The following BACH2 variants were observed in gnomAD, a reference collection of about 807,000 sequenced individuals.
BACH2 encodes transcription regulator protein BACH2.
BACH2 carries 5 observed loss-of-function variants against 61.8 expected under a neutral mutation model. The ratio of observed to expected loss-of-function variants is 0.08; its 90% CI spans 0.04 to 0.17. The LOEUF is 0.17. BACH2 is among the 10% of genes least tolerant of loss of function. BACH2 has a pLI of 1.00. For synonymous variants in BACH2, 446 were observed against 440.1 expected, an observed-to-expected ratio of 1.01 and a Z score of -0.17; for missense variants, 824 against 1,091.1, an observed-to-expected ratio of 0.76 and a Z score of 3.45.
chr6:90,032,313 A>G (rs1430634931), intron 5 of BACH2, among the ~76,000 whole-genome samples: 3 of 146,670 alleles, frequency 2.0e-5, no homozygotes, highest in East Asian at 4.1e-4. Flanking sequence ...CTTCATGTCT[A>G]AAACACCAAA....
rs368472335 is a variant in BACH2, at chr6:90,154,018, C to A, written c.-162+52551G>T. On this transcript the variant is annotated intron_variant, in intron 4 of 8. Transcript: ENST00000257749. ...GTCATTGGAGCCTAAAACATCCACACCCTAAAAAGAACATATCATTCCAAT... is the reference window on the plus strand; with the variant it reads ...GTCATTGGAGCCTAAAACATCCACAACCTAAAAAGAACATATCATTCCAAT... 2.4e-4 allele frequency among the ~76,000 whole-genome samples: 36 copies of A among 152,238 alleles called. No homozygotes were observed. The East Asian group carries it at 6.8e-3, about 29-fold the overall frequency.
intron 1 of BACH2, among the ~76,000 whole-genome samples, 161 bp downstream of exon 1, chr6:90,296,319 G>A (rs1442442282): frequency 1.3e-5 from 2 of 151,464 alleles, no homozygotes; most frequent in East Asian, 3.9e-4. Context: ...ATAAAAGCGG[G>A]CAGGGCGCGG....
At chr6:90,015,882 T>C (rs907964256) in intron 5 of BACH2, among the ~76,000 whole-genome samples, 4 of 152,220 alleles carry the variant, frequency 2.6e-5, no homozygotes, top group African/African-American at 9.6e-5. Context: ...CCGGCTACAA[T>C]TGTAGGCTTG....
At chr6:89,936,411 C>T (rs189854812) in intron 8 of BACH2, among the ~76,000 whole-genome samples, 137 of 152,184 alleles carry the variant, frequency 9.0e-4, no homozygotes, top group African/African-American at 3.1e-3. Context: ...CAAAGTACTG[C>T]GATTACAGGT....
At chr6:90,135,886 G>A (rs1457057742) in intron 4 of BACH2, among the ~76,000 whole-genome samples, 7 of 152,118 alleles carry the variant, frequency 4.6e-5, no homozygotes, top group Admixed American at 1.3e-4. Flanking sequence ...CTCTATCATC[G>A]TCTCTGACCC....
chr6:89,954,298 C>CTT (rs56660189), intron 6 of BACH2, among the ~76,000 whole-genome samples: 3 of 143,358 alleles, frequency 2.1e-5, no homozygotes, highest in African/African-American at 5.1e-5. Context: ...CACAGTTTTT[C>CTT]TTTTTTTTTT....
chr6:90,015,588 T>C (rs1369087511), intron 5 of BACH2, among the ~76,000 whole-genome samples: 1 of 152,230 alleles, frequency 6.6e-6, no homozygotes, highest in Non-Finnish European at 1.5e-5. Context: ...TAGTTATCTT[T>C]TTGTTAATCC....
At chr6:90,030,315 G>A (rs962741015) in intron 5 of BACH2, among the ~76,000 whole-genome samples, 5 of 152,114 alleles carry the variant, frequency 3.3e-5, no homozygotes, top group Admixed American at 6.5e-5. Flanking sequence ...CACAGCCCAG[G>A]CCTCTGCTGC....
At chr6:90,268,746 G>C (rs1562534907) in intron 2 of BACH2, among the ~76,000 whole-genome samples, 1 of 152,006 alleles carries the variant, frequency 6.6e-6, no homozygotes, top group South Asian at 2.1e-4. Context: ...TAAACAATGA[G>C]AGTCAATGTT....
intron 5 of BACH2, among the ~76,000 whole-genome samples, chr6:90,010,460 T>C (rs1404909943): frequency 1.3e-5 from 2 of 152,252 alleles, no homozygotes; most frequent in Non-Finnish European, 2.9e-5. Flanking sequence ...AGCATCCTAT[T>C]GTATAAATAT....
chr6:90,100,365 TGTG>T (rs1478063802), intron 4 of BACH2, among the ~76,000 whole-genome samples: 3 of 152,186 alleles, frequency 2.0e-5, no homozygotes, highest in Admixed American at 6.5e-5. Context: ...TACCAAGACT[TGTG>T]GTCAAACATG....
At chr6:90,139,697 G>A (rs939850253) in intron 4 of BACH2, among the ~76,000 whole-genome samples, 2 of 152,148 alleles carry the variant, frequency 1.3e-5, no homozygotes, top group Non-Finnish European at 2.9e-5. Context: ...AACAGTGTTC[G>A]GATGTGTCCT....
intron 3 of BACH2, 81 bp downstream of exon 3, chr6:90,252,432 T>C (rs1302222289): frequency 3.3e-5 from 5 of 152,216 alleles, no homozygotes; most frequent in Non-Finnish European, 5.9e-5. Context: ...TTAGATCTTC[T>C]AAAGTATATG....
chr6:90,066,800 A>G (rs967113823), intron 5 of BACH2, among the ~76,000 whole-genome samples: 2 of 152,254 alleles, frequency 1.3e-5, no homozygotes, highest in Admixed American at 1.3e-4. Context: ...GCACAAGACA[A>G]CCAGGAATTG....
intron 6 of BACH2, among the ~76,000 whole-genome samples, chr6:89,984,748 G>C (rs1776145935): frequency 6.6e-6 from 1 of 152,160 alleles, no homozygotes; most frequent in African/African-American, 2.4e-5. Flanking sequence ...AGGACCCACT[G>C]TTAGAATTGT....
In BACH2 at chr6:90,160,516, G is replaced by A. The variant is rs1037701727; in HGVS notation, c.-162+46053C>T. 5.3e-5 allele frequency among the ~76,000 whole-genome samples: 8 copies of A among 152,304 alleles called. No individual in the cohort carries two copies. The East Asian group carries it at 1.5e-3, about 29-fold the overall frequency. On this transcript the variant is annotated intron_variant, in intron 4 of 8. Coordinates refer to ENST00000257749, the MANE Select transcript of BACH2 (RefSeq NM_021813.4). ...AATGAGGATCTAAGTACTAGAAGCA[G>A]CACGTACAAAAATAGTTTTATTTTT...
chr6:90,226,392 G>A (rs915800677), intron 3 of BACH2, among the ~76,000 whole-genome samples: 1 of 152,132 alleles, frequency 6.6e-6, no homozygotes, highest in Admixed American at 6.6e-5. Context: ...TTTAAAAACA[G>A]ACTCTGAGGG....
At chr6:90,039,448 G>A (rs759885930) in intron 5 of BACH2, among the ~76,000 whole-genome samples, 6 of 152,050 alleles carry the variant, frequency 3.9e-5, no homozygotes, top group Admixed American at 1.3e-4. Flanking sequence ...GCAGAGGCGC[G>A]ATCTTGGCTC....
chr6:90,020,841 T>C (rs1778332399), intron 5 of BACH2, among the ~76,000 whole-genome samples: 1 of 152,148 alleles, frequency 6.6e-6, no homozygotes, highest in Admixed American at 6.5e-5. Context: ...ACCCATGGGA[T>C]CTAAGAATGA....
Sources: gnomAD v4.1 joint callset for allele counts (sites outside exome capture counted in the v4.1 genomes callset) on GRCh38, gnomAD v4.1.1 for gene constraint, MANE v1.5 for transcripts, NCBI Gene and HGNC (gene_info 2026-07-23, HGNC 2026-07-21) for gene names.